Variants in FAM171B observed in about 807,000 individuals in gnomAD.
FAM171B encodes the protein protein FAM171B.
Under a neutral mutation model 75.6 loss-of-function variants are expected in FAM171B, and 19 were observed. The ratio of observed to expected loss-of-function variants is 0.25; its 90% CI spans 0.18 to 0.37. The LOEUF is 0.37. Among genes scored for constraint, FAM171B ranks in the 10% least tolerant of loss-of-function variants. The pLI is 1.00. For missense variants in FAM171B, 848 were observed against 982.4 expected (o/e 0.86, Z 1.83); for synonymous variants, 367 against 361.7 (o/e 1.01, Z -0.17).
chr2:186,734,834 C>T (rs1185963982), intron 1 of FAM171B, among the ~76,000 whole-genome samples: 1 of 152,240 alleles, frequency 6.6e-6, no homozygotes. Flanking sequence ...CGACAGGGGG[C>T]TGGCCTATCA....
chr2:186,704,899 G>A (rs1689713102), intron 1 of FAM171B, among the ~76,000 whole-genome samples: 1 of 152,188 alleles, frequency 6.6e-6, no homozygotes, highest in African/African-American at 2.4e-5. Context: ...GAGGAGGAAG[G>A]ACCTCCCAAG....
rs892487923 is a variant in FAM171B at position 186,764,342 on chromosome 2, G to A, written c.*1519G>A. 2.0e-5 allele frequency: 3 copies of A among 151,614 alleles called. No homozygotes were observed. Among genetic ancestry groups the A allele is most frequent in the Non-Finnish European group, 4.4e-5 (3 of 67,866 alleles). 9.4% of individuals were successfully genotyped at this position (151,614 alleles called of 1,614,324 possible). A position where few individuals can be genotyped will look rare whatever the true frequency, so the allele number is the denominator to read the frequency against. ...AATTTTTTCCTCCAACTTCTAACGT[G>A]TCAAATAACCTTCCTACTGTTCTGT... On this transcript the variant is annotated 3_prime_UTR_variant, in exon 8 of 8. Coordinates refer to ENST00000304698, the MANE Select transcript of FAM171B (RefSeq NM_177454.4).
chr2:186,729,907 C>G (rs187941353), intron 1 of FAM171B, among the ~76,000 whole-genome samples: 11 of 152,144 alleles, frequency 7.2e-5, no homozygotes, highest in Non-Finnish European at 1.0e-4. Context: ...GCCTGTGAAT[C>G]CTGGCTATAA....
chr2:186,740,477 GT>G lies in FAM171B; in HGVS notation c.472+25del, dbSNP rs751258484. ...AGAATGCCAAGTAAGCACTTAAACA[GT>G]TTTTTTTTGTTTGTTTTTGCTAAAT... On this transcript the variant is annotated intron_variant, in intron 2 of 7. Coordinates refer to ENST00000304698, the MANE Select transcript of FAM171B (RefSeq NM_177454.4). 5.5e-5 allele frequency: 85 copies of G among 1,557,032 alleles called. No individual in the cohort carries two copies. Among genetic ancestry groups the G allele is most frequent in the African/African-American group, 2.3e-4 (17 of 72,902 alleles).
intron 1 of FAM171B, among the ~76,000 whole-genome samples, chr2:186,718,785 T>A (rs948532189): frequency 6.6e-6 from 1 of 152,242 alleles, no homozygotes; most frequent in Non-Finnish European, 1.5e-5. Context: ...ATATCTTAAT[T>A]TTTAAAAAAT....
chr2:186,761,143 T>G lies in FAM171B; in HGVS notation c.1043T>G (p.Ile348Arg). The change falls in exon 7 of 8, where the codon ATA (isoleucine) becomes AGA (arginine). Residue 348 changes from isoleucine (I) to arginine (R), a missense_variant. Physicochemically the swap from Ile to Arg is moderately conservative, Grantham distance 97. Around this residue, in one of 3 missense-constraint regions of FAM171B, gnomAD observed 665 missense variants for 729.0 expected, o/e 0.91. Transcript: ENST00000304698. ...GGTATAAATGAAGATTCCAAGGACATAACTGCCTACCACACAGTGTTTCTT... is the reference window on the plus strand; with the variant it reads ...GGTATAAATGAAGATTCCAAGGACAGAACTGCCTACCACACAGTGTTTCTT... ...GSGINEDSKD[I>R]TAYHTVFLTA... 1 of 1,611,708 alleles carries G rather than the reference T, an allele frequency of 6.2e-7. No individual in the cohort carries two copies. Among genetic ancestry groups the G allele is most frequent in the Non-Finnish European group, 8.5e-7 (1 of 1,178,860 alleles).
intron 1 of FAM171B, among the ~76,000 whole-genome samples, chr2:186,697,388 G>A (rs1461205123): frequency 2.0e-5 from 3 of 151,928 alleles, no homozygotes; most frequent in Non-Finnish European, 1.5e-5. Flanking sequence ...CTACAGATGC[G>A]TGCCGCTGGG....
intron 1 of FAM171B, among the ~76,000 whole-genome samples, chr2:186,724,454 T>G (rs1346811764): frequency 6.6e-6 from 1 of 152,228 alleles, no homozygotes; most frequent in Non-Finnish European, 1.5e-5. Flanking sequence ...ACACTTTGCC[T>G]GTGTCCCTGC....
intron 1 of FAM171B, among the ~76,000 whole-genome samples, chr2:186,697,043 A>ATGG (rs1689593660): frequency 1.4e-5 from 2 of 146,816 alleles, no homozygotes; most frequent in Non-Finnish European, 3.0e-5. Flanking sequence ...TGGATGGATG[A>ATGG]ATGAATGAAT....
chr2:186,759,949 A>G (rs1373719438), intron 6 of FAM171B, among the ~76,000 whole-genome samples: 1 of 151,850 alleles, frequency 6.6e-6, no homozygotes, highest in Non-Finnish European at 1.5e-5. Context: ...ATCTATTTTG[A>G]TTTGATTTTT....
In FAM171B at chr2:186,733,193, A is replaced by G. The variant is rs186578964; in HGVS notation, c.239-7035A>G. On this transcript the variant is annotated intron_variant, in intron 1 of 7. Transcript: ENST00000304698. ...AATCTTCGTTTTTTGAAATCAATAA[A>G]ATGGATTTGATGTTACAAATTTTAC... 1.7e-3 allele frequency among the ~76,000 whole-genome samples: 260 copies of G among 152,288 alleles called. 1 individual carries two copies. The highest frequency in any genetic ancestry group is 5.2e-3 in the Admixed American group (79 of 15,296).
chr2:186,707,173 C>T (rs1408277932), intron 1 of FAM171B, among the ~76,000 whole-genome samples: 3 of 152,056 alleles, frequency 2.0e-5, no homozygotes, highest in African/African-American at 7.2e-5. Context: ...TAAAACTAGA[C>T]TTTTGATTTC....
chr2:186,709,155 C>T (rs1034357888), intron 1 of FAM171B, among the ~76,000 whole-genome samples: 1 of 151,970 alleles, frequency 6.6e-6, no homozygotes, highest in African/African-American at 2.4e-5. Flanking sequence ...CTGACTATTG[C>T]AAGGACAGCA....
chr2:186,757,742 A>G (rs1690553369), intron 6 of FAM171B, among the ~76,000 whole-genome samples: 1 of 152,146 alleles, frequency 6.6e-6, no homozygotes, highest in African/African-American at 2.4e-5. Flanking sequence ...GCATGCACAC[A>G]CATGCACACG....
chr2:186,737,128 T>G (rs1239317019), intron 1 of FAM171B, among the ~76,000 whole-genome samples: 1 of 152,198 alleles, frequency 6.6e-6, no homozygotes, highest in Non-Finnish European at 1.5e-5. Context: ...CAAGGTCACA[T>G]GTCTAGGGAA....
intron 6 of FAM171B, among the ~76,000 whole-genome samples, chr2:186,758,600 A>G (rs1250470961): frequency 2.0e-5 from 3 of 152,140 alleles, no homozygotes; most frequent in Admixed American, 6.6e-5. Context: ...TTTGAGCACA[A>G]TGAAGTCTTT....
chr2:186,701,655 G>A lies in FAM171B; in HGVS notation c.238+7244G>A, dbSNP rs547089792. Among the ~76,000 whole-genome samples, 5 of 152,198 alleles carry A rather than the reference G, an allele frequency of 3.3e-5. No individual in the cohort carries two copies. The South Asian group carries it at 1.0e-3, about 32-fold the overall frequency. ...CCTCAAAGGCCATATTCCCAGATGG[G>A]GTAATTATGATTTCTTTCCAGGATT... On this transcript the variant is annotated intron_variant, in intron 1 of 7. Transcript: ENST00000304698.
At chr2:186,695,704 A>T (rs1396170659) in intron 1 of FAM171B, among the ~76,000 whole-genome samples, 1 of 152,056 alleles carries the variant, frequency 6.6e-6, no homozygotes, top group South Asian at 2.1e-4. Context: ...AATTAATAAC[A>T]CTCAAGTGTG....
At chr2:186,729,354 G>A (rs1039204629) in intron 1 of FAM171B, among the ~76,000 whole-genome samples, 1 of 151,934 alleles carries the variant, frequency 6.6e-6, no homozygotes, top group African/African-American at 2.4e-5. Flanking sequence ...ATACACTGGA[G>A]AAGGGTAGGT....
Sources: gnomAD v4.1 joint callset for allele counts (sites outside exome capture counted in the v4.1 genomes callset) on GRCh38, gnomAD v4.1.1 for gene constraint, gnomAD v4.1.1 regional missense constraint, MANE v1.5 for transcripts, NCBI Gene and HGNC (gene_info 2026-07-23, HGNC 2026-07-21) for gene names.